The following CLASP1 variants were observed in gnomAD, a reference collection of about 807,000 sequenced individuals.
CLASP1 encodes CLIP-associating protein 1.
Under a neutral mutation model 192.3 loss-of-function variants are expected in CLASP1, and 38 were observed. The ratio of observed to expected loss-of-function variants is 0.20; its 90% CI spans 0.15 to 0.26. The LOEUF (loss-of-function observed/expected upper bound fraction) is 0.26, where lower values mean the gene tolerates loss of function less well. CLASP1 is among the 10% of genes least tolerant of loss of function. The probability of loss-of-function intolerance (pLI) is 1.00; values close to 1 mark genes in which losing one functional copy is unlikely to be tolerated. For missense variants in CLASP1, 1,433 were observed against 1,932.5 expected, an observed-to-expected ratio of 0.74 and a Z score of 4.85; for synonymous variants, 691 against 712.8, an observed-to-expected ratio of 0.97 and a Z score of 0.49.
chr2:121,601,812 G>A (rs896323214), intron 2 of CLASP1, among the ~76,000 whole-genome samples: 2 of 152,042 alleles, frequency 1.3e-5, no homozygotes, highest in Admixed American at 6.6e-5. Flanking sequence ...ACGGTTACAG[G>A]ATACAAACAT....
intron 2 of CLASP1, among the ~76,000 whole-genome samples, chr2:121,537,229 A>C (rs2095108286): frequency 6.6e-6 from 1 of 151,942 alleles, no homozygotes; most frequent in African/African-American, 2.4e-5. Flanking sequence ...CTGTCTCTAC[A>C]AAAAATACAA....
At chr2:121,364,287 T>A (rs2066968455) in intron 36 of CLASP1, 1 of 152,354 alleles carries the variant, frequency 6.6e-6, no homozygotes, top group East Asian at 1.9e-4. Context: ...AATCCTCCCA[T>A]CCCCTTCCTC....
chr2:121,381,897 C>A (rs546512177), intron 33 of CLASP1, among the ~76,000 whole-genome samples: 2 of 152,180 alleles, frequency 1.3e-5, no homozygotes, highest in Non-Finnish European at 2.9e-5. Context: ...GACCTCACAG[C>A]ATTTCCTGAG....
intron 30 of CLASP1, among the ~76,000 whole-genome samples, chr2:121,395,401 ATT>A (rs2075114516): frequency 6.6e-6 from 1 of 152,198 alleles, no homozygotes; most frequent in Non-Finnish European, 1.5e-5. Flanking sequence ...CCATATGGGT[ATT>A]TATCATTCAT....
intron 7 of CLASP1, among the ~76,000 whole-genome samples, chr2:121,507,566 T>C (rs1276835241): frequency 6.6e-6 from 1 of 152,240 alleles, no homozygotes; most frequent in Non-Finnish European, 1.5e-5. Context: ...CTAGTTGTTA[T>C]CGTTGCCTCA....
chr2:121,530,476 G>C, intron 2 of CLASP1, 151 bp from the exon 3 acceptor site: 1 of 606,154 alleles, frequency 1.6e-6, no homozygotes. Flanking sequence ...AGATTAGCAC[G>C]AAGAAGGATG....
At chr2:121,607,730 A>G (rs1391835905) in intron 1 of CLASP1, among the ~76,000 whole-genome samples, 1 of 152,228 alleles carries the variant, frequency 6.6e-6, no homozygotes, top group Non-Finnish European at 1.5e-5. Flanking sequence ...AAGTTTCCAG[A>G]AAACATATCT....
intron 1 of CLASP1, among the ~76,000 whole-genome samples, chr2:121,619,570 A>G (rs1318051848): frequency 1.3e-5 from 2 of 152,208 alleles, no homozygotes; most frequent in Non-Finnish European, 2.9e-5. Flanking sequence ...ACTGCATTAC[A>G]GTACACTTGC....
intron 16 of CLASP1, among the ~76,000 whole-genome samples, chr2:121,449,329 A>ATCC (rs2084962299): frequency 6.6e-6 from 1 of 152,170 alleles, no homozygotes; most frequent in African/African-American, 2.4e-5. Flanking sequence ...CAAGTCACTT[A>ATCC]TCCTCTCTCA....
intron 2 of CLASP1, among the ~76,000 whole-genome samples, chr2:121,554,441 C>T (rs1054309006): frequency 2.1e-4 from 28 of 131,628 alleles, no homozygotes; most frequent in African/African-American, 7.1e-4. Context: ...GAAGACCCTG[C>T]CTCTACAAAA....
intron 8 of CLASP1, among the ~76,000 whole-genome samples, chr2:121,498,201 C>CTTTTTTTTT (rs70954551): frequency 0.087 from 10,373 of 118,668 alleles, 1,165 homozygotes; most frequent in African/African-American, 0.18. Flanking sequence ...GTAATAGTTT[C>CTTTTTTTTT]TTTTTTTTTT....
intron 2 of CLASP1, among the ~76,000 whole-genome samples, chr2:121,599,459 A>G (rs2063532971): frequency 1.3e-5 from 2 of 151,056 alleles, no homozygotes; most frequent in Admixed American, 6.6e-5. Flanking sequence ...GTGGTGGTGC[A>G]TGCCTGTAGT....
chr2:121,564,581 CA>C (rs1257741564), intron 2 of CLASP1, among the ~76,000 whole-genome samples: 4 of 152,140 alleles, frequency 2.6e-5, no homozygotes, highest in Non-Finnish European at 5.9e-5. Flanking sequence ...ATTTTATTCC[CA>C]GGGGTGGAGA....
At chr2:121,349,398 A>C (rs1374914687) in intron 37 of CLASP1, among the ~76,000 whole-genome samples, 1 of 152,160 alleles carries the variant, frequency 6.6e-6, no homozygotes, top group Non-Finnish European at 1.5e-5. Flanking sequence ...GAGGGGGTGC[A>C]ACGAGCTGTG....
At position 121,445,417 on chromosome 2, in the gene CLASP1, C is replaced by T. The variant is rs145358993; in HGVS notation, c.1912+1920G>A. ...TCTAGCAATGCCTATCCCAACTACACGTCCAGCAGCAAAAGCTGTCGAGCA... is the reference window on the plus strand; with the variant it reads ...TCTAGCAATGCCTATCCCAACTACATGTCCAGCAGCAAAAGCTGTCGAGCA... On this transcript the variant is annotated intron_variant, in intron 19 of 39. Transcript: ENST00000263710. 7.7e-4 allele frequency: 989 copies of T among 1,276,176 alleles called. 16 individuals carry two copies. In the Admixed American group the frequency reaches 0.02, roughly 25 times the overall value. The allele number at this position is 1,276,176 out of a possible 1,614,324, so 79.1% of individuals were successfully genotyped here. A position where few individuals can be genotyped will look rare whatever the true frequency, so the allele number is the denominator to read the frequency against.
intron 22 of CLASP1, among the ~76,000 whole-genome samples, chr2:121,424,605 A>G (rs1291753709): frequency 6.6e-6 from 1 of 152,244 alleles, no homozygotes; most frequent in Admixed American, 6.5e-5. Context: ...GAAACTAAGT[A>G]ACACAAAACT....
At chr2:121,360,841 G>A (rs2066256737) in intron 37 of CLASP1, among the ~76,000 whole-genome samples, 1 of 152,084 alleles carries the variant, frequency 6.6e-6, no homozygotes, top group Admixed American at 6.5e-5. Context: ...AGCAGCATGG[G>A]GACCCTTGAA....
chr2:121,502,577 G>C (rs976934233), intron 8 of CLASP1, among the ~76,000 whole-genome samples: 9 of 152,204 alleles, frequency 5.9e-5, no homozygotes, highest in African/African-American at 1.7e-4. Context: ...AATTAGCAAG[G>C]AGGTCAAACG....
intron 39 of CLASP1, among the ~76,000 whole-genome samples, chr2:121,345,853 G>C (rs1427287584): frequency 6.6e-6 from 1 of 152,182 alleles, no homozygotes; most frequent in Non-Finnish European, 1.5e-5. Context: ...AGCAGTGATG[G>C]GTGCTATTGG....
Sources: gnomAD v4.1 joint callset for allele counts (sites outside exome capture counted in the v4.1 genomes callset) on GRCh38, gnomAD v4.1.1 for gene constraint, MANE v1.5 for transcripts, NCBI Gene and HGNC (gene_info 2026-07-23, HGNC 2026-07-21) for gene names.